Variants in CDC42SE2 observed in about 807,000 individuals in gnomAD.
The protein encoded by CDC42SE2 is CDC42 small effector protein 2.
Under a neutral mutation model 11.5 loss-of-function variants are expected in CDC42SE2, and 3 were observed. The observed-to-expected ratio is 0.26, with a 90% CI of 0.12 to 0.67. CDC42SE2 has a LOEUF of 0.67. Among genes scored for constraint, CDC42SE2 ranks in the 30% least tolerant of loss-of-function variants. The pLI, the probability that CDC42SE2 is intolerant of heterozygous loss-of-function variation, is 0.80. For missense variants in CDC42SE2, 82 were observed against 106.8 expected (o/e 0.77, Z 1.02); for synonymous variants, 33 against 34.8 (o/e 0.95, Z 0.18).
At chr5:131,214,525 T>C in the CDC42SE2 span, among the ~76,000 whole-genome samples, 1 of 152,112 alleles carries the variant, frequency 6.6e-6, no homozygotes, top group Non-Finnish European at 1.5e-5. Context: ...ACTCTGGCAA[T>C]GGAACAGTAA....
intron 1 of CDC42SE2, among the ~76,000 whole-genome samples, chr5:131,269,277 G>A (rs1466372197): frequency 6.6e-6 from 1 of 152,104 alleles, no homozygotes; most frequent in East Asian, 1.9e-4. Context: ...ATGTATTTTA[G>A]TCAAATAGAT....
At chr5:131,320,054 G>GA (rs763857152) in intron 2 of CDC42SE2, among the ~76,000 whole-genome samples, 1,006 of 62,768 alleles carry the variant, frequency 0.016, 50 homozygotes, top group African/African-American at 0.028. Flanking sequence ...CCGTCTTAAA[G>GA]AAAAAAAAAA....
At chr5:131,381,292 C>T (rs1037073408) in intron 3 of CDC42SE2, among the ~76,000 whole-genome samples, 1 of 151,740 alleles carries the variant, frequency 6.6e-6, no homozygotes, top group Non-Finnish European at 1.5e-5. Flanking sequence ...GTTACCAAAT[C>T]CAGCCTGCAA....
intron 1 of CDC42SE2, among the ~76,000 whole-genome samples, chr5:131,268,671 C>T (rs572912837): frequency 7.3e-5 from 11 of 150,802 alleles, no homozygotes; most frequent in Non-Finnish European, 1.2e-4. Context: ...AGGCTGGTCT[C>T]GAACTCCCGA....
At chr5:131,311,285 G>T (rs1347610160) in intron 1 of CDC42SE2, among the ~76,000 whole-genome samples, 1 of 151,506 alleles carries the variant, frequency 6.6e-6, no homozygotes, top group Non-Finnish European at 1.5e-5. Flanking sequence ...CTCTCTTCTG[G>T]CTTGTAGGGT....
intron 2 of CDC42SE2, among the ~76,000 whole-genome samples, chr5:131,330,182 C>T (rs1758391715): frequency 6.6e-6 from 1 of 152,138 alleles, no homozygotes; most frequent in African/African-American, 2.4e-5. Context: ...TCAGTTGGGC[C>T]TATGTCTGCG....
intron 1 of CDC42SE2, among the ~76,000 whole-genome samples, chr5:131,303,503 A>G (rs1757724101): frequency 6.6e-6 from 1 of 152,144 alleles, no homozygotes; most frequent in Admixed American, 6.6e-5. Flanking sequence ...GAAATTTAAG[A>G]CTTTTGAATT....
At chr5:131,295,841 C>T (rs551986758) in intron 1 of CDC42SE2, among the ~76,000 whole-genome samples, 1 of 152,182 alleles carries the variant, frequency 6.6e-6, no homozygotes, top group South Asian at 2.1e-4. Flanking sequence ...CGCCACCGTG[C>T]CCGGCTAAGT....
chr5:131,295,482 A>C (rs1757551279), intron 1 of CDC42SE2, among the ~76,000 whole-genome samples: 1 of 152,174 alleles, frequency 6.6e-6, no homozygotes, highest in African/African-American at 2.4e-5. Context: ...AATGGTCTCC[A>C]AGACACATGT....
intron 2 of CDC42SE2, among the ~76,000 whole-genome samples, chr5:131,338,301 G>T (rs1392284206): frequency 6.6e-6 from 1 of 152,222 alleles, no homozygotes; most frequent in Non-Finnish European, 1.5e-5. Flanking sequence ...GATAGCTGGA[G>T]TGATAGCCAT....
intron 1 of CDC42SE2, among the ~76,000 whole-genome samples, chr5:131,290,489 T>G (rs1757435156): frequency 6.8e-6 from 1 of 147,224 alleles, no homozygotes; most frequent in Non-Finnish European, 1.5e-5. Flanking sequence ...TTTTTTTGTT[T>G]TTTTTTTTTT....
At chr5:131,345,642 C>G (rs575133528) in intron 2 of CDC42SE2, among the ~76,000 whole-genome samples, 8 of 152,224 alleles carry the variant, frequency 5.3e-5, no homozygotes, top group African/African-American at 1.9e-4. Context: ...TCAGGAAATA[C>G]AGAGAATGCC....
chr5:131,321,481 A>G (rs1758185362), intron 2 of CDC42SE2, among the ~76,000 whole-genome samples: 1 of 152,158 alleles, frequency 6.6e-6, no homozygotes, highest in Non-Finnish European at 1.5e-5. Context: ...GGTAACATAG[A>G]TCTCATCTCT....
chr5:131,393,441 T>G lies in CDC42SE2; in HGVS notation c.*2350T>G, dbSNP rs1284627624. On this transcript the variant is annotated 3_prime_UTR_variant, in exon 5 of 5. Transcript: ENST00000505065. ...GAGAGGATCTGCCAAGGAAAAACAT[T>G]TGCATCTTCGGAGTAGACATTTTGC... 1.3e-5 allele frequency: 2 copies of G among 152,374 alleles called. No homozygotes were observed. Among genetic ancestry groups the G allele is most frequent in the South Asian group, 2.1e-4 (1 of 4,832 alleles). 9.4% of individuals were successfully genotyped at this position (152,374 alleles called of 1,614,324 possible). A position where few individuals can be genotyped will look rare whatever the true frequency, so the allele number is the denominator to read the frequency against.
intron 2 of CDC42SE2, among the ~76,000 whole-genome samples, chr5:131,344,886 C>T (rs922406374): frequency 6.6e-6 from 1 of 151,430 alleles, no homozygotes; most frequent in Non-Finnish European, 1.5e-5. Flanking sequence ...ACCAGGCAAA[C>T]GATCTGGAGT....
At chr5:131,384,851 G>A (rs933637753) in intron 3 of CDC42SE2, among the ~76,000 whole-genome samples, 7 of 149,820 alleles carry the variant, frequency 4.7e-5, no homozygotes, top group African/African-American at 1.7e-4. Context: ...GGGAGCTGAG[G>A]TGCGAGGATT....
At chr5:131,235,852 C>T in the CDC42SE2 span, among the ~76,000 whole-genome samples, 1 of 152,174 alleles carries the variant, frequency 6.6e-6, no homozygotes, top group Non-Finnish European at 1.5e-5. Context: ...CCTCAGCGTC[C>T]CAAAGTGCTG....
intron 3 of CDC42SE2, among the ~76,000 whole-genome samples, chr5:131,362,585 T>G (rs1053245183): frequency 9.2e-5 from 14 of 152,218 alleles, no homozygotes; most frequent in Non-Finnish European, 7.3e-5. Context: ...CCCCTGCTTT[T>G]GCACATTCCA....
intron 2 of CDC42SE2, among the ~76,000 whole-genome samples, chr5:131,324,027 A>G (rs1332916586): frequency 6.6e-6 from 1 of 152,202 alleles, no homozygotes; most frequent in African/African-American, 2.4e-5. Context: ...CAAAATTAAT[A>G]GCTTATAAAG....
Sources: allele counts gnomAD v4.1 joint callset (sites outside exome capture counted in the v4.1 genomes callset), GRCh38; gene constraint gnomAD v4.1.1; transcripts MANE v1.5; gene names NCBI Gene and HGNC (gene_info 2026-07-23, HGNC 2026-07-21).